CTDSP1: variants seen among roughly 807,000 people sequenced by gnomAD.
The protein encoded by CTDSP1 is CTD small phosphatase 1, also known as carboxy-terminal domain RNA polymerase II polypeptide A small phosphatase 1.
A neutral mutation model predicts 32.5 loss-of-function variants in CTDSP1; 15 were observed. The observed-to-expected ratio is 0.46, with a 90% confidence interval of 0.31 to 0.71. CTDSP1 has a LOEUF of 0.71. CTDSP1 is among the 30% of genes least tolerant of loss of function. The probability of loss-of-function intolerance (pLI) is 0.05; values close to 1 mark genes in which losing one functional copy is unlikely to be tolerated. For synonymous variants in CTDSP1, 185 were observed against 145.4 expected (o/e 1.27, Z -1.96); for missense variants, 294 against 351.1 (o/e 0.84, Z 1.30).
rs1225626185 is a variant in CTDSP1 at position 218,401,701 on chromosome 2, G to A, written c.205G>A (p.Ala69Thr). The change falls in exon 2 of 7, where the codon GCC (alanine) becomes ACC (threonine). Residue 69 changes from alanine to threonine, a missense_variant. By Grantham distance (58) the Ala-to-Thr change is moderately conservative. Coordinates refer to ENST00000273062, the MANE Select transcript of CTDSP1 (RefSeq NM_021198.3). Reference sequence around the variant, plus strand: ...GCCCCTGCTTGTGGAGGAGAATGGCGCCATCCCTAAGGTGCGTGGGGGCCA... The same window carrying A: ...GCCCCTGCTTGTGGAGGAGAATGGCACCATCCCTAAGGTGCGTGGGGGCCA... ...GAPLLVEENG[A>T]IPKQTPVQYL... 8 of 1,586,678 alleles carry A rather than the reference G, an allele frequency of 5.0e-6. No individual in the cohort carries two copies. Among genetic ancestry groups the A allele is most frequent in the East Asian group, 2.2e-5 (1 of 44,628 alleles).
At position 218,402,226 on chromosome 2, in the gene CTDSP1, C is replaced by T. The variant is rs1157845638; in HGVS notation, c.321+11C>T. 5.0e-6 allele frequency: 8 copies of T among 1,612,522 alleles called. No homozygotes were observed. In the East Asian group the frequency reaches 1.6e-4, roughly 31 times the overall value. On this transcript the variant is annotated intron_variant, in intron 3 of 6. Coordinates refer to ENST00000273062, the MANE Select transcript of CTDSP1 (RefSeq NM_021198.3). ...CACAGCTCCTTCAAGGTGGGCCCTG[C>T]TCAACAGCCCTCAGCCCGGGTCTCG...
chr2:218,402,653 C>G, intron 4 of CTDSP1: 1 of 767,690 alleles, frequency 1.3e-6, no homozygotes, highest in Non-Finnish European at 2.4e-6. Context: ...TGCCCGGGAC[C>G]CAGTTCAAGT....
chr2:218,398,448 G>A (rs1696932660), upstream of CTDSP1: 6 of 1,533,572 alleles, frequency 3.9e-6, no homozygotes, highest in African/African-American at 1.4e-5. Flanking sequence ...AGGAGCAGGA[G>A]GAGGGCCGAG....
At position 218,404,284 on chromosome 2, in the gene CTDSP1, C is replaced by T. The variant is rs1189582246; in HGVS notation, c.658-13C>T. The T allele has an allele frequency of 6.2e-7, 1 of 1,613,516 alleles. No individual in the cohort carries two copies. Reference sequence around the variant, plus strand: ...CACCTGCCCCCCTCATCTTCCTACACCCACTTCCCCAGGTACCGGTGGCCT... The same window carrying T: ...CACCTGCCCCCCTCATCTTCCTACATCCACTTCCCCAGGTACCGGTGGCCT... On this transcript the variant is annotated splice_polypyrimidine_tract_variant and intron_variant, in intron 6 of 6. Coordinates refer to ENST00000273062, the MANE Select transcript of CTDSP1 (RefSeq NM_021198.3).
At chr2:218,399,013 G>A (rs1696962020), upstream of CTDSP1, 3 of 152,244 alleles carry the variant, frequency 2.0e-5, no homozygotes, top group Non-Finnish European at 4.4e-5. Context: ...GGGCTCCTAG[G>A]ATCGGCAGCG....
Position 218,399,997 on chromosome 2 carries a change from TCCCCTCCC to T in CTDSP1, c.-89_-82del. On this transcript the variant is annotated 5_prime_UTR_variant, in exon 1 of 7. Coordinates refer to ENST00000273062, the MANE Select transcript of CTDSP1 (RefSeq NM_021198.3). ...CGCGGGGATCCCTCCCTCCCACCCC[TCCCCTCCC>T]CCCCGCGCCCCGATTCCGGCCCCAG... 1 of 151,644 alleles carries T rather than the reference TCCCCTCCC, an allele frequency of 6.6e-6. No homozygotes were observed. Among genetic ancestry groups the T allele is most frequent in the Non-Finnish European group, 9.4e-6 (1 of 106,610 alleles). 9.4% of individuals were successfully genotyped at this position (151,644 alleles called of 1,614,324 possible). A position where few individuals can be genotyped will look rare whatever the true frequency, so the allele number is the denominator to read the frequency against.
At chr2:218,400,328 C>T (rs1046591506) in intron 1 of CTDSP1, 171 bp downstream of exon 1, 4 of 738,284 alleles carry the variant, frequency 5.4e-6, no homozygotes, top group Non-Finnish European at 7.0e-6. Flanking sequence ...AGAGGAGGCT[C>T]AGAGACGCGG....
chr2:218,397,708 G>A (rs1160365470), upstream of CTDSP1, among the ~76,000 whole-genome samples: 6 of 152,150 alleles, frequency 3.9e-5, no homozygotes, highest in African/African-American at 1.2e-4. Context: ...GAGACAGAGG[G>A]CAGCTGGGTG....
rs1697042287 is a variant in CTDSP1, at chr2:218,400,215, C to T, written c.67+58C>T. 1.1e-5 allele frequency: 16 copies of T among 1,464,322 alleles called. No homozygotes were observed. In the South Asian group the frequency reaches 1.7e-4, roughly 15 times the overall value. The allele number at this position is 1,464,322 out of a possible 1,614,324, so 90.7% of individuals were successfully genotyped here. On this transcript the variant is annotated intron_variant, in intron 1 of 6. Coordinates refer to ENST00000273062, the MANE Select transcript of CTDSP1 (RefSeq NM_021198.3). ...GGGCGCCGTGGGAGGAGAGAAGGGG[C>T]CGGGATCTTCCCCAGGGGAGCCGCC... is the stretch of plus-strand genomic sequence containing the variant.
chr2:218,401,459 G>A lies in CTDSP1; in HGVS notation c.68-105G>A, dbSNP rs1697134176. On this transcript the variant is annotated intron_variant, in intron 1 of 6. Transcript: ENST00000273062. Reference sequence around the variant, plus strand: ...TGCCTTCGTGTGTCTGGATGAAGGGGCCACGGCAAGATCCTCCTGGCTCAG... The same window carrying A: ...TGCCTTCGTGTGTCTGGATGAAGGGACCACGGCAAGATCCTCCTGGCTCAG... 2.2e-6 allele frequency: 3 copies of A among 1,343,942 alleles called. No homozygotes were observed. In the African/African-American group the frequency reaches 4.4e-5, roughly 20 times the overall value. The allele number at this position is 1,343,942 out of a possible 1,614,324, so 83.3% of individuals were successfully genotyped here.
In CTDSP1 at chr2:218,405,258, C is replaced by T. The variant is rs911088239; in HGVS notation, c.*833C>T. On this transcript the variant is annotated 3_prime_UTR_variant, in exon 7 of 7. Coordinates refer to ENST00000273062, the MANE Select transcript of CTDSP1 (RefSeq NM_021198.3). ...AGAGACACCCCTCCCTTGCCCCTTT[C>T]CTGGGCCCAGAAGTTGGGGGGAGGG... The T allele has an allele frequency of 3.3e-5, 5 of 152,928 alleles. No homozygotes were observed. Among genetic ancestry groups the T allele is most frequent in the Middle Eastern group, 3.4e-3 (1 of 294 alleles). The allele number at this position is 152,928 out of a possible 1,614,324, so 9.5% of individuals were successfully genotyped here. A position where few individuals can be genotyped will look rare whatever the true frequency, so the allele number is the denominator to read the frequency against.
At chr2:218,399,506 A>C (rs141107964), upstream of CTDSP1, 1 of 152,840 alleles carries the variant, frequency 6.5e-6, no homozygotes, top group Non-Finnish European at 1.5e-5. Context: ...CAACGAGGAA[A>C]CCGAGAAGCC....
chr2:218,398,704 CG>C (rs1696946919), upstream of CTDSP1: 1 of 320,784 alleles, frequency 3.1e-6, no homozygotes, highest in Non-Finnish European at 5.7e-6. Flanking sequence ...CGGAGGCCCG[CG>C]GGAGAGGGGG....
At chr2:218,403,537 C>G (rs1423051095) in intron 6 of CTDSP1, 120 bp downstream of exon 6, 3 of 857,692 alleles carry the variant, frequency 3.5e-6, no homozygotes, top group African/African-American at 1.7e-5. Context: ...CCCAGTCCTT[C>G]CTGCATTCAT....
Position 218,403,426 on chromosome 2 carries a change from G to C in CTDSP1, c.657+9G>C. On this transcript the variant is annotated intron_variant, in intron 6 of 6. Transcript: ENST00000273062. ...TCCATCCAGACAATGCTGTGAGTGC[G>C]GGCTGGACTGGGACTGGGACAGGAG... is the stretch of plus-strand genomic sequence containing the variant. 2 of 1,575,950 alleles carry C rather than the reference G, an allele frequency of 1.3e-6. No individual in the cohort carries two copies. Among genetic ancestry groups the C allele is most frequent in the Non-Finnish European group, 8.6e-7 (1 of 1,160,246 alleles).
At chr2:218,399,864 G>A (rs1201579243), upstream of CTDSP1, 9 of 1,242,956 alleles carry the variant, frequency 7.2e-6, no homozygotes, top group Non-Finnish European at 8.1e-6. Context: ...TGGGTTCCAT[G>A]TTTGCATCCG....
At chr2:218,400,345 G>T in intron 1 of CTDSP1, 188 bp downstream of exon 1, 1 of 706,046 alleles carries the variant, frequency 1.4e-6, no homozygotes, top group South Asian at 1.5e-5. Context: ...GCGGGGCGGG[G>T]CCTGGCGCCT....
In CTDSP1 at chr2:218,404,816, A is replaced by G. The variant is rs998048654; in HGVS notation, c.*391A>G. 1 of 182,708 alleles carries G rather than the reference A, an allele frequency of 5.5e-6. No homozygotes were observed. Among genetic ancestry groups the G allele is most frequent in the Non-Finnish European group, 1.2e-5 (1 of 86,564 alleles). The allele number at this position is 182,708 out of a possible 1,614,324, so 11.3% of individuals were successfully genotyped here. On this transcript the variant is annotated 3_prime_UTR_variant, in exon 7 of 7. Coordinates refer to ENST00000273062, the MANE Select transcript of CTDSP1 (RefSeq NM_021198.3). ...GACCCCCAGTCTGGGAACGGTGGAC[A>G]TCAAGTGCCTTGCATAGAGCCCCCT... is the stretch of plus-strand genomic sequence containing the variant.
rs1697382391 is a variant in CTDSP1, at chr2:218,405,895, C to T, written c.*1470C>T. On this transcript the variant is annotated 3_prime_UTR_variant, in exon 7 of 7. Transcript: ENST00000273062. ...TCCCATTTAAGTGCCTTCTCTGTGA[C>T]TGAGAGCCCTAGTGTGATGAGAACT... The T allele has an allele frequency of 6.5e-6, 1 of 152,918 alleles. No individual in the cohort carries two copies. Among genetic ancestry groups the T allele is most frequent in the Admixed American group, 6.5e-5 (1 of 15,278 alleles). 9.5% of individuals were successfully genotyped at this position (152,918 alleles called of 1,614,324 possible).
Sources: gnomAD v4.1 joint callset for allele counts (sites outside exome capture counted in the v4.1 genomes callset) on GRCh38, gnomAD v4.1.1 for gene constraint, MANE v1.5 for transcripts, NCBI Gene and HGNC (gene_info 2026-07-23, HGNC 2026-07-21) for gene names.